OR7E24: variants seen among roughly 807,000 people sequenced by gnomAD.
OR7E24 encodes olfactory receptor family 7 subfamily E member 24.
For missense variants in OR7E24, 385 were observed against 410.3 expected, an observed-to-expected ratio of 0.94 and a Z score of 0.53; for synonymous variants, 130 against 157.5, an observed-to-expected ratio of 0.83 and a Z score of 1.31.
upstream of OR7E24, among the ~76,000 whole-genome samples, chr19:9,242,732 C>T (rs1327242118): frequency 6.6e-6 from 1 of 152,150 alleles, no homozygotes; most frequent in Non-Finnish European, 1.5e-5. Context: ...GATTTGTAAG[C>T]TTGTTTGTTC....
chr19:9,215,017 G>T, the OR7E24 span: 5 of 578,434 alleles, frequency 8.6e-6, no homozygotes, highest in Non-Finnish European at 1.5e-5. Context: ...TTCTATTTGT[G>T]TAGAGTTATC....
At chr19:9,213,850 T>A in the OR7E24 span, 1 of 1,293,062 alleles carries the variant, frequency 7.7e-7, no homozygotes, top group Non-Finnish European at 1.1e-6. Context: ...CCACAACATT[T>A]GCCTTAGGGG....
chr19:9,251,413 C>G lies in OR7E24; in HGVS notation c.370C>G (p.Leu124Val). ...GCLTQMSFFV[L>V]FACMDDMLLS... ...CCTGACTCAGATGTCTTTTTTTGTC[C>G]TTTTTGCATGTATGGATGACATGCT... The change falls in exon 1 of 1, where the codon CTT becomes GTT. Residue 124 changes from leucine to valine, a missense_variant. Leu to Val is a conservative substitution (Grantham distance 32). Transcript: ENST00000456448. 1 of 1,613,926 alleles carries G rather than the reference C, an allele frequency of 6.2e-7. No individual in the cohort carries two copies. The highest frequency in any genetic ancestry group is 8.5e-7 in the Non-Finnish European group (1 of 1,179,904).
At chr19:9,213,427 TA>T in the OR7E24 span, 89 of 145,086 alleles carry the variant, frequency 6.1e-4, no homozygotes, top group Admixed American at 7.6e-4. Context: ...TGTTTTTGAT[TA>T]AAAAAAAAAA....
At chr19:9,249,904 G>A (rs1171021676), upstream of OR7E24, among the ~76,000 whole-genome samples, 1 of 152,032 alleles carries the variant, frequency 6.6e-6, no homozygotes, top group Non-Finnish European at 1.5e-5. Flanking sequence ...GCAGTGAGCT[G>A]AGATCATGCC....
At chr19:9,235,288 G>A in the OR7E24 span, 4,418 of 1,300,344 alleles carry the variant, frequency 3.4e-3, 88 homozygotes, top group African/African-American at 0.055. Flanking sequence ...CATCCTGGCC[G>A]TCAGCTCTGA....
At chr19:9,246,936 T>C (rs1215450517), upstream of OR7E24, among the ~76,000 whole-genome samples, 2 of 152,166 alleles carry the variant, frequency 1.3e-5, no homozygotes, top group Non-Finnish European at 2.9e-5. Context: ...GTGAGGATGG[T>C]TGTACAACAT....
At chr19:9,218,189 G>A in the OR7E24 span, among the ~76,000 whole-genome samples, 2 of 152,148 alleles carry the variant, frequency 1.3e-5, no homozygotes, top group Non-Finnish European at 2.9e-5. Flanking sequence ...TGGGACCAAA[G>A]CATCAACTAT....
the OR7E24 span, among the ~76,000 whole-genome samples, chr19:9,225,242 T>C: frequency 6.6e-6 from 1 of 151,534 alleles, no homozygotes; most frequent in Admixed American, 6.6e-5. Flanking sequence ...TGATGGCACA[T>C]GCCTGTAATC....
upstream of OR7E24, among the ~76,000 whole-genome samples, chr19:9,250,035 A>G (rs2066140858): frequency 6.6e-6 from 1 of 152,252 alleles, no homozygotes; most frequent in South Asian, 2.1e-4. Context: ...GCACACTATC[A>G]ACATCTTTGC....
the OR7E24 span, among the ~76,000 whole-genome samples, chr19:9,217,705 A>G: frequency 6.6e-6 from 1 of 151,980 alleles, no homozygotes; most frequent in African/African-American, 2.4e-5. Flanking sequence ...CGCTCAGCTA[A>G]TTTTTTTATT....
At chr19:9,235,701 G>A in the OR7E24 span, 2 of 1,604,282 alleles carry the variant, frequency 1.2e-6, no homozygotes, top group South Asian at 1.1e-5. Context: ...AGGTCCTCAA[G>A]GTGGCCCGCT....
chr19:9,250,965 G>A lies in OR7E24; in HGVS notation c.-79G>A. ...ACAACTGAGAACTATTGCTGAGGGT[G>A]TATAATCCTATGTGAAAACTTAATT... On this transcript the variant is annotated 5_prime_UTR_variant, in exon 1 of 1. Transcript: ENST00000456448. The A allele has an allele frequency of 1.9e-6, 2 of 1,058,382 alleles. No individual in the cohort carries two copies. The highest frequency in any genetic ancestry group is 1.4e-6 in the Non-Finnish European group (1 of 737,014). 65.6% of individuals were successfully genotyped at this position (1,058,382 alleles called of 1,614,324 possible).
chr19:9,214,474 G>A, the OR7E24 span: 147 of 1,614,104 alleles, frequency 9.1e-5, 2 homozygotes, highest in South Asian at 9.8e-4. Flanking sequence ...GCCACAAACC[G>A]GTCATAGGCC....
the OR7E24 span, chr19:9,213,911 G>A: frequency 2.5e-6 from 4 of 1,613,318 alleles, no homozygotes; most frequent in African/African-American, 5.3e-5. Context: ...ATGGACAAGA[G>A]TCGGCCCTGC....
Position 9,251,172 on chromosome 19 carries a change from G to C in OR7E24, c.129G>C (p.Pro43=). 3 of 1,613,826 alleles carry C rather than the reference G, an allele frequency of 1.9e-6. No homozygotes were observed. Among genetic ancestry groups the C allele is most frequent in the Non-Finnish European group, 2.5e-6 (3 of 1,179,904 alleles). Residue 43 remains proline, a synonymous_variant, in exon 1 of 1, where the codon CCG becomes CCC. Transcript: ENST00000456448. The stretch of plus-strand genomic sequence containing the variant: ...TCTCAGAGGATCCAGAACTGCAGCC[G>C]GTCCTCGCTGGGCTGTTCCTGTCCA... ...LGLSEDPELQ[P]VLAGLFLSMY... is the part of the protein sequence containing the mutation.
the OR7E24 span, chr19:9,210,689 C>CACACACACAT: frequency 7.3e-5 from 11 of 150,664 alleles, no homozygotes; most frequent in African/African-American, 2.7e-4. Flanking sequence ...GGTGATCTCA[C>CACACACACAT]ACACACACAC....
At chr19:9,238,886 T>C in the OR7E24 span, among the ~76,000 whole-genome samples, 1 of 152,196 alleles carries the variant, frequency 6.6e-6, no homozygotes, top group Non-Finnish European at 1.5e-5. Flanking sequence ...AGTATTCCAT[T>C]GTGCAGATAG....
chr19:9,238,505 C>A, the OR7E24 span, among the ~76,000 whole-genome samples: 1 of 152,184 alleles, frequency 6.6e-6, no homozygotes, highest in Non-Finnish European at 1.5e-5. Context: ...GAATACTCGA[C>A]CCTTATCAGA....
Sources: allele counts gnomAD v4.1 joint callset (sites outside exome capture counted in the v4.1 genomes callset), GRCh38; gene constraint gnomAD v4.1.1; transcripts MANE v1.5; gene names NCBI Gene and HGNC (gene_info 2026-07-23, HGNC 2026-07-21).